The following EHBP1 variants were observed in gnomAD, a reference collection of about 807,000 sequenced individuals.
EHBP1 encodes EH domain-binding protein 1.
Under a neutral mutation model 144.0 loss-of-function variants are expected in EHBP1, and 55 were observed. The observed-to-expected ratio is 0.38, with a 90% CI of 0.31 to 0.48. The LOEUF (loss-of-function observed/expected upper bound fraction) is 0.48. EHBP1 is among the 20% of genes least tolerant of loss of function. The pLI, the probability that EHBP1 is intolerant of heterozygous loss-of-function variation, is 0.98. For synonymous variants in EHBP1, 469 were observed against 472.7 expected (o/e 0.99, Z 0.10); for missense variants, 1,200 against 1,364.2 (o/e 0.88, Z 1.90).
At position 62,921,899 on chromosome 2, in the gene EHBP1, A is replaced by G. The variant is rs138301277; in HGVS notation, c.1186-20819A>G. Among the ~76,000 whole-genome samples the G allele has an allele frequency of 8.3e-3, 1,268 of 152,310 alleles. 13 individuals carry two copies. Among genetic ancestry groups the G allele is most frequent in the South Asian group, 0.015 (70 of 4,822 alleles). On this transcript the variant is annotated intron_variant, in intron 10 of 22. Coordinates refer to ENST00000431489, the MANE Select transcript of EHBP1 (RefSeq NM_001142616.3). ...AAAGAAGATGGTAAGAAAATCTGCC[A>G]GGCGTGGTGGCTCACGCCTGTAATG...
In EHBP1 at chr2:62,904,540, G is replaced by A. The variant is rs963375556; in HGVS notation, c.1185+30008G>A. On this transcript the variant is annotated intron_variant, in intron 10 of 22. Transcript: ENST00000431489. ...TTGAGCCCATGTGCTTCACCCCCCCGGCCCATGGGCTGCCCGATGGTGGCA... is the reference window on the plus strand; with the variant it reads ...TTGAGCCCATGTGCTTCACCCCCCCAGCCCATGGGCTGCCCGATGGTGGCA... 1.1e-4 allele frequency among the ~76,000 whole-genome samples: 16 copies of A among 152,236 alleles called. 1 individual carries two copies. Among genetic ancestry groups the A allele is most frequent in the Admixed American group, 5.2e-4 (8 of 15,296 alleles).
intron 7 of EHBP1, among the ~76,000 whole-genome samples, chr2:62,842,792 G>A (rs966328417): frequency 6.6e-6 from 1 of 152,158 alleles, no homozygotes; most frequent in Non-Finnish European, 1.5e-5. Flanking sequence ...GTACTTTTAA[G>A]TAGGAATTTT....
At chr2:62,829,593 GTGTA>G (rs964833242) in intron 6 of EHBP1, among the ~76,000 whole-genome samples, 10 of 146,254 alleles carry the variant, frequency 6.8e-5, no homozygotes, top group African/African-American at 2.0e-4. Flanking sequence ...GTGTGTGTGT[GTGTA>G]TATATATATT....
chr2:62,911,647 A>C (rs552268585), intron 10 of EHBP1, among the ~76,000 whole-genome samples: 59 of 152,170 alleles, frequency 3.9e-4, no homozygotes, highest in Non-Finnish European at 7.6e-4. Context: ...TTTTTCATAG[A>C]GACAGGGTTT....
intron 14 of EHBP1, among the ~76,000 whole-genome samples, chr2:62,978,927 T>A (rs546771943): frequency 7.1e-4 from 108 of 152,354 alleles, no homozygotes; most frequent in Non-Finnish European, 1.4e-3. Flanking sequence ...TCTGATATTT[T>A]CTCAGTAATA....
At chr2:63,020,909 C>G (rs961473655) in intron 19 of EHBP1, among the ~76,000 whole-genome samples, 2 of 150,520 alleles carry the variant, frequency 1.3e-5, no homozygotes, top group Admixed American at 1.3e-4. Context: ...AACTCCTGAT[C>G]TCAGGTGATC....
chr2:62,679,314 G>A (rs755767217), intron 1 of EHBP1, among the ~76,000 whole-genome samples: 4 of 152,144 alleles, frequency 2.6e-5, no homozygotes, highest in African/African-American at 4.8e-5. Flanking sequence ...CCATAAGCTT[G>A]ACAATACCAT....
At chr2:62,694,502 C>CAAA (rs71410958) in intron 1 of EHBP1, among the ~76,000 whole-genome samples, 3 of 120,908 alleles carry the variant, frequency 2.5e-5, no homozygotes, top group South Asian at 2.7e-4. Flanking sequence ...CCTCCCATGA[C>CAAA]AAAAAAAAAA....
At position 63,038,737 on chromosome 2, in the gene EHBP1, GC is replaced by G; in HGVS notation, c.3204-3del. The G allele has an allele frequency of 6.2e-7, 1 of 1,612,628 alleles. No individual in the cohort carries two copies. Among genetic ancestry groups the G allele is most frequent in the African/African-American group, 1.3e-5 (1 of 74,966 alleles). On this transcript the variant is annotated splice_region_variant and splice_polypyrimidine_tract_variant and intron_variant, in intron 20 of 22. Transcript: ENST00000431489. The stretch of plus-strand genomic sequence containing the variant: ...GCATATTGATGAACTTTTGCAACTT[GC>G]CCAGGGAAAAAGAACATGATTTAGA...
chr2:62,815,789 A>G (rs1234493169), intron 5 of EHBP1, among the ~76,000 whole-genome samples: 1 of 152,192 alleles, frequency 6.6e-6, no homozygotes, highest in Non-Finnish European at 1.5e-5. Flanking sequence ...GATTTTTCTG[A>G]TGGAATAGGT....
intron 8 of EHBP1, among the ~76,000 whole-genome samples, chr2:62,863,653 C>T (rs1018862974): frequency 2.6e-5 from 4 of 152,032 alleles, no homozygotes; most frequent in African/African-American, 9.6e-5. Flanking sequence ...ACAGAAACCT[C>T]CTCTTTGAAA....
intron 5 of EHBP1, among the ~76,000 whole-genome samples, chr2:62,805,946 C>A (rs994945545): frequency 6.6e-6 from 1 of 151,854 alleles, no homozygotes; most frequent in Non-Finnish European, 1.5e-5. Flanking sequence ...TTGATATCAT[C>A]GAATTAATGT....
intron 12 of EHBP1, among the ~76,000 whole-genome samples, chr2:62,946,408 A>G (rs1034816121): frequency 1.5e-4 from 23 of 152,202 alleles, no homozygotes; most frequent in African/African-American, 5.3e-4. Flanking sequence ...TCATTGTATT[A>G]TTCAATAAAT....
intron 2 of EHBP1, among the ~76,000 whole-genome samples, chr2:62,722,422 CA>C (rs1281527974): frequency 6.6e-6 from 1 of 151,542 alleles, no homozygotes; most frequent in Non-Finnish European, 1.5e-5. Context: ...CATGCCCTGC[CA>C]AAAATAGGGA....
intron 21 of EHBP1, among the ~76,000 whole-genome samples, chr2:63,039,800 T>C (rs765655252): frequency 6.6e-6 from 1 of 152,174 alleles, no homozygotes; most frequent in Non-Finnish European, 1.5e-5. Context: ...CTTGTAGACA[T>C]TTCATTTTTA....
intron 15 of EHBP1, among the ~76,000 whole-genome samples, chr2:62,989,789 C>A (rs980817557): frequency 4.6e-5 from 7 of 151,982 alleles, no homozygotes; most frequent in Admixed American, 1.3e-4. Context: ...ATTTTCCCCC[C>A]AAATTTTTTT....
intron 9 of EHBP1, among the ~76,000 whole-genome samples, chr2:62,868,354 G>A (rs971184716): frequency 6.6e-6 from 1 of 152,014 alleles, no homozygotes; most frequent in Non-Finnish European, 1.5e-5. Context: ...ACTGCAGCCT[G>A]GGCAACAACA....
intron 5 of EHBP1, among the ~76,000 whole-genome samples, chr2:62,808,497 G>C (rs570834829): frequency 6.6e-6 from 1 of 152,066 alleles, no homozygotes; most frequent in African/African-American, 2.4e-5. Context: ...TTCTTTCTTA[G>C]ATTTCCATCA....
chr2:62,841,282 C>T (rs919501123), intron 7 of EHBP1, among the ~76,000 whole-genome samples: 3 of 141,268 alleles, frequency 2.1e-5, no homozygotes, highest in Non-Finnish European at 4.5e-5. Context: ...TAGGTGGGAA[C>T]TGAACAATGA....
Sources: gnomAD v4.1 joint callset for allele counts (sites outside exome capture counted in the v4.1 genomes callset) on GRCh38, gnomAD v4.1.1 for gene constraint, MANE v1.5 for transcripts, NCBI Gene and HGNC (gene_info 2026-07-23, HGNC 2026-07-21) for gene names.